KANK1: variants seen among roughly 807,000 people sequenced by gnomAD.
KANK1 encodes KN motif and ankyrin repeat domain-containing protein 1.
KANK1 carries 109 observed loss-of-function variants against 106.2 expected under a neutral mutation model. The ratio of observed to expected loss-of-function variants is 1.03; its 90% CI spans 0.88 to 1.20. KANK1 has a LOEUF of 1.20. Ranked by LOEUF, KANK1 falls within the 50% of genes most tolerant of loss-of-function variation. The pLI, the probability that KANK1 is intolerant of heterozygous loss-of-function variation, is 0.00. For synonymous variants in KANK1, 873 were observed against 652.2 expected (o/e 1.34, Z -5.16); for missense variants, 2,399 against 1,710.7 (o/e 1.40, Z -7.10).
intron 3 of KANK1, among the ~76,000 whole-genome samples, chr9:489,757 C>T (rs73386737): frequency 0.019 from 2,888 of 152,184 alleles, 104 homozygotes; most frequent in African/African-American, 0.065. Context: ...ATCTGCTCCA[C>T]GGGGTTTGAA....
In KANK1 at chr9:731,088, T is replaced by C. The variant is rs947843325; in HGVS notation, c.2897-70T>C. ...ATTTACATGCATGAGAAAAGAACTG[T>C]ACAGGAAAAAAGATCATTTAACATG... On this transcript the variant is annotated intron_variant, in intron 4 of 11. Transcript: ENST00000382297. 61 of 805,740 alleles carry C rather than the reference T, an allele frequency of 7.6e-5. No individual in the cohort carries two copies. The South Asian group carries it at 1.0e-3, about 14-fold the overall frequency. The allele number at this position is 805,740 out of a possible 1,614,324, so 49.9% of individuals were successfully genotyped here. A position where few individuals can be genotyped will look rare whatever the true frequency, so the allele number is the denominator to read the frequency against.
At chr9:696,702 T>G (rs2129777596) in intron 2 of KANK1, among the ~76,000 whole-genome samples, 2 of 152,296 alleles carry the variant, frequency 1.3e-5, no homozygotes, top group Middle Eastern at 3.4e-3. Flanking sequence ...TTAGGCTTTC[T>G]TCTTTAAAGT....
chr9:509,027 T>G (rs1312806863), intron 1 of KANK1, among the ~76,000 whole-genome samples: 1 of 152,096 alleles, frequency 6.6e-6, no homozygotes, highest in Non-Finnish European at 1.5e-5. Flanking sequence ...TGTGAGAGAG[T>G]TCTGTTGTGT....
At chr9:637,303 C>G (rs1439146314) in intron 1 of KANK1, among the ~76,000 whole-genome samples, 2 of 152,074 alleles carry the variant, frequency 1.3e-5, no homozygotes, top group African/African-American at 4.8e-5. Context: ...TTCATTTTTT[C>G]TCTGGCCTTT....
At chr9:623,482 C>T (rs1191452539) in intron 1 of KANK1, among the ~76,000 whole-genome samples, 1 of 151,542 alleles carries the variant, frequency 6.6e-6, no homozygotes, top group Non-Finnish European at 1.5e-5. Context: ...CTCAGTTACC[C>T]ATTAGACTGA....
At chr9:636,747 A>G (rs1563904980) in intron 1 of KANK1, among the ~76,000 whole-genome samples, 2 of 152,170 alleles carry the variant, frequency 1.3e-5, no homozygotes, top group Admixed American at 1.3e-4. Flanking sequence ...TGTGCTTGTA[A>G]TCCCAGCTAC....
chr9:551,104 C>G (rs1276143255), intron 1 of KANK1, among the ~76,000 whole-genome samples: 1 of 151,908 alleles, frequency 6.6e-6, no homozygotes, highest in African/African-American at 2.4e-5. Flanking sequence ...GGTGTCAATT[C>G]ATGGTTAATA....
chr9:510,051 A>G (rs561977889), intron 1 of KANK1, among the ~76,000 whole-genome samples: 8 of 151,772 alleles, frequency 5.3e-5, no homozygotes, highest in African/African-American at 1.7e-4. Context: ...GCCTCAAACA[A>G]TCCTCCCTCC....
At chr9:614,058 C>G (rs1382617405) in intron 1 of KANK1, among the ~76,000 whole-genome samples, 1 of 152,196 alleles carries the variant, frequency 6.6e-6, no homozygotes. Context: ...TCACAAGGAG[C>G]AAGTCGGCCA....
chr9:505,425 C>T (rs554886218), intron 1 of KANK1, among the ~76,000 whole-genome samples: 49 of 152,350 alleles, frequency 3.2e-4, no homozygotes, highest in African/African-American at 1.1e-3. Flanking sequence ...TTCCGAGGTC[C>T]CGCGGTTCCA....
chr9:558,463 A>G (rs899419985), intron 1 of KANK1, among the ~76,000 whole-genome samples: 3 of 152,226 alleles, frequency 2.0e-5, no homozygotes, highest in Non-Finnish European at 4.4e-5. Context: ...CTTGTTTTGC[A>G]TGTGTTTCTG....
intron 1 of KANK1, among the ~76,000 whole-genome samples, chr9:600,169 A>T (rs1827368273): frequency 6.6e-6 from 1 of 151,742 alleles, no homozygotes; most frequent in Non-Finnish European, 1.5e-5. Flanking sequence ...TTTCAAAACA[A>T]AAGCGCTATA....
Position 732,491 on chromosome 9 carries a change from A to G in KANK1, c.3119A>G (p.Asp1040Gly). ...CTTGAAGAAGAGGAGGAGGAGGAGG[A>G]TGAAGACACTCGGGGAATGGCAGAA... ...YPLEEEEEEE[D>G]EDTRGMAEGH... The change falls in exon 6 of 12, where the codon GAT (aspartate) becomes GGT (glycine). Residue 1040 changes from aspartate to glycine, a missense_variant. Transcript: ENST00000382297. 6.2e-7 allele frequency: 1 copy of G among 1,614,138 alleles called. No individual in the cohort carries two copies. The highest frequency in any genetic ancestry group is 8.5e-7 in the Non-Finnish European group (1 of 1,180,012).
intron 1 of KANK1, among the ~76,000 whole-genome samples, chr9:574,580 C>G (rs551774646): frequency 3.3e-5 from 5 of 152,044 alleles, no homozygotes; most frequent in Non-Finnish European, 7.4e-5. Flanking sequence ...TTCTCAGCCG[C>G]GCGTGGTGGC....
At chr9:471,809 G>A (rs917886451) in intron 2 of KANK1, among the ~76,000 whole-genome samples, 5 of 152,116 alleles carry the variant, frequency 3.3e-5, no homozygotes, top group Admixed American at 2.0e-4. Flanking sequence ...CGAGAGAATC[G>A]TTTGCACTTA....
intron 3 of KANK1, among the ~76,000 whole-genome samples, chr9:480,277 A>G (rs2058180877): frequency 6.6e-6 from 1 of 152,240 alleles, no homozygotes; most frequent in African/African-American, 2.4e-5. Context: ...CAAATCACCC[A>G]TAATCTGATG....
intron 1 of KANK1, among the ~76,000 whole-genome samples, chr9:535,815 G>T (rs1259491992): frequency 6.6e-6 from 1 of 152,146 alleles, no homozygotes. Flanking sequence ...GCAGTCTTCT[G>T]GGTCCTCACA....
intron 1 of KANK1, among the ~76,000 whole-genome samples, chr9:610,977 G>T (rs1026333613): frequency 2.6e-5 from 4 of 152,130 alleles, no homozygotes; most frequent in African/African-American, 9.7e-5. Flanking sequence ...GGTTTTATTT[G>T]ATTGTTTTTG....
At chr9:726,357 G>C in intron 3 of KANK1, among the ~76,000 whole-genome samples, 1 of 152,202 alleles carries the variant, frequency 6.6e-6, no homozygotes, top group East Asian at 1.9e-4. Flanking sequence ...TGAACTGAGA[G>C]GCCAGGCACG....
Sources: gnomAD v4.1 joint callset for allele counts (sites outside exome capture counted in the v4.1 genomes callset) on GRCh38, gnomAD v4.1.1 for gene constraint, MANE v1.5 for transcripts, NCBI Gene and HGNC (gene_info 2026-07-23, HGNC 2026-07-21) for gene names.